ERBB4: variants seen among roughly 807,000 people sequenced by gnomAD.
The protein encoded by ERBB4 is receptor tyrosine-protein kinase erbB-4.
A neutral mutation model predicts 158.0 loss-of-function variants in ERBB4; 42 were observed. That is an observed-to-expected ratio of 0.27 (90% CI 0.21 to 0.34). The LOEUF is 0.34. Among genes scored for constraint, ERBB4 ranks in the 10% least tolerant of loss-of-function variants. The probability of loss-of-function intolerance (pLI) is 1.00; values close to 1 mark genes in which losing one functional copy is unlikely to be tolerated. For missense variants in ERBB4, 1,333 were observed against 1,624.1 expected (o/e 0.82, Z 3.08); for synonymous variants, 583 against 558.7 (o/e 1.04, Z -0.61).
At chr2:211,466,657 T>C (rs1333094261) in intron 20 of ERBB4, among the ~76,000 whole-genome samples, 1 of 152,138 alleles carries the variant, frequency 6.6e-6, no homozygotes, top group Admixed American at 6.6e-5. Flanking sequence ...TCTCAGTAAC[T>C]GCAATGAATT....
At chr2:212,001,266 ACCAATAGGCAAT>A (rs1359785836) in intron 2 of ERBB4, among the ~76,000 whole-genome samples, 2 of 152,132 alleles carry the variant, frequency 1.3e-5, no homozygotes, top group Non-Finnish European at 2.9e-5. Context: ...TTCATTTCAT[ACCAATAGGCAAT>A]ACCCTTAAAC....
At chr2:211,989,464 G>A (rs939254410) in intron 2 of ERBB4, among the ~76,000 whole-genome samples, 3 of 151,562 alleles carry the variant, frequency 2.0e-5, no homozygotes, top group African/African-American at 7.3e-5. Context: ...AATTATAATT[G>A]TTTCTCTATA....
intron 25 of ERBB4, among the ~76,000 whole-genome samples, chr2:211,402,601 T>C (rs112104027): frequency 2.6e-4 from 39 of 152,048 alleles, no homozygotes; most frequent in African/African-American, 8.9e-4. Context: ...TTATTTGCTT[T>C]GAAATGCCTT....
intron 8 of ERBB4, among the ~76,000 whole-genome samples, chr2:211,712,920 G>C (rs1427376332): frequency 2.6e-5 from 4 of 152,020 alleles, no homozygotes; most frequent in African/African-American, 7.2e-5. Flanking sequence ...ATAACATTCA[G>C]GAGATTTAGA....
intron 3 of ERBB4, among the ~76,000 whole-genome samples, chr2:211,846,275 CT>C (rs200219851): frequency 1.3e-5 from 2 of 151,988 alleles, no homozygotes; most frequent in East Asian, 3.9e-4. Flanking sequence ...TCTCCAGACA[CT>C]TTTTTTCATA....
chr2:211,908,549 G>A (rs894765360), intron 3 of ERBB4, among the ~76,000 whole-genome samples: 2 of 151,704 alleles, frequency 1.3e-5, no homozygotes, highest in African/African-American at 4.8e-5. Flanking sequence ...ATATCGGTGA[G>A]TGTATACCAA....
chr2:211,444,699 T>C (rs2064067913), intron 20 of ERBB4, among the ~76,000 whole-genome samples: 1 of 152,098 alleles, frequency 6.6e-6, no homozygotes, highest in Admixed American at 6.6e-5. Flanking sequence ...AAGAATAAAG[T>C]TTCCTTGTTT....
intron 2 of ERBB4, among the ~76,000 whole-genome samples, chr2:211,964,999 A>T (rs1400460711): frequency 1.3e-5 from 2 of 152,090 alleles, no homozygotes; most frequent in African/African-American, 4.8e-5. Context: ...GCCTAATTTG[A>T]TTTGTTCAAC....
intron 6 of ERBB4, among the ~76,000 whole-genome samples, chr2:211,724,460 G>A (rs919569010): frequency 2.0e-5 from 3 of 149,742 alleles, no homozygotes; most frequent in African/African-American, 4.9e-5. Context: ...GTATTTTTAC[G>A]ATTTTTAGCT....
intron 20 of ERBB4, among the ~76,000 whole-genome samples, chr2:211,524,089 CA>C (rs1313233312): frequency 2.6e-5 from 4 of 152,070 alleles, no homozygotes; most frequent in African/African-American, 9.7e-5. Flanking sequence ...GGTGTGTTTA[CA>C]AACCTTGAGC....
At chr2:211,800,052 T>C (rs1233306011) in intron 3 of ERBB4, among the ~76,000 whole-genome samples, 1 of 152,164 alleles carries the variant, frequency 6.6e-6, no homozygotes, top group Non-Finnish European at 1.5e-5. Context: ...TCACTAAATA[T>C]AGAACTTTCC....
intron 2 of ERBB4, among the ~76,000 whole-genome samples, chr2:211,948,998 G>T (rs931252200): frequency 6.6e-6 from 1 of 152,008 alleles, no homozygotes; most frequent in Non-Finnish European, 1.5e-5. Context: ...CCTCATCTCA[G>T]TTCAGGTTAT....
At chr2:211,450,714 G>T (rs530582457) in intron 20 of ERBB4, among the ~76,000 whole-genome samples, 1 of 152,000 alleles carries the variant, frequency 6.6e-6, no homozygotes, top group Non-Finnish European at 1.5e-5. Flanking sequence ...TTATGTCCTC[G>T]GAGAGGCCTT....
intron 20 of ERBB4, among the ~76,000 whole-genome samples, chr2:211,543,735 A>G (rs548715708): frequency 1.3e-5 from 2 of 152,108 alleles, no homozygotes; most frequent in East Asian, 3.9e-4. Flanking sequence ...TGGGTTTATA[A>G]TGGAAATGTC....
intron 1 of ERBB4, among the ~76,000 whole-genome samples, chr2:212,481,645 A>G (rs1689703898): frequency 1.3e-5 from 2 of 152,176 alleles, no homozygotes; most frequent in Admixed American, 6.5e-5. Flanking sequence ...AGATTAAAGG[A>G]GATAATGCCT....
chr2:211,716,284 C>T (rs976585711), intron 7 of ERBB4, among the ~76,000 whole-genome samples: 2 of 143,262 alleles, frequency 1.4e-5, no homozygotes, highest in African/African-American at 5.4e-5. Flanking sequence ...ATTGCTTGAA[C>T]CCGGGAGGTG....
intron 18 of ERBB4, among the ~76,000 whole-genome samples, chr2:211,623,051 C>A (rs2069695514): frequency 5.8e-5 from 5 of 86,560 alleles, no homozygotes; most frequent in Admixed American, 3.4e-4. Context: ...ATATAAAATG[C>A]CAAAGTAACT....
At chr2:211,426,530 T>G (rs1236523748) in intron 22 of ERBB4, among the ~76,000 whole-genome samples, 2 of 152,166 alleles carry the variant, frequency 1.3e-5, no homozygotes, top group Admixed American at 6.5e-5. Context: ...TTTATTTATT[T>G]TTGCTGAACA....
intron 1 of ERBB4, among the ~76,000 whole-genome samples, chr2:212,481,653 C>T (rs1053433037): frequency 2.0e-5 from 3 of 152,036 alleles, no homozygotes; most frequent in Admixed American, 1.3e-4. Context: ...GGAGATAATG[C>T]CTGACACCCA....
Sources: gnomAD v4.1 joint callset for allele counts (sites outside exome capture counted in the v4.1 genomes callset) on GRCh38, gnomAD v4.1.1 for gene constraint, MANE v1.5 for transcripts, NCBI Gene and HGNC (gene_info 2026-07-23, HGNC 2026-07-21) for gene names.